DOCK3: variants seen among roughly 807,000 people sequenced by gnomAD.
The protein encoded by DOCK3 is dedicator of cytokinesis protein 3.
A neutral mutation model predicts 265.6 loss-of-function variants in DOCK3; 60 were observed. The ratio of observed to expected loss-of-function variants is 0.23; its 90% CI spans 0.18 to 0.28. The LOEUF (loss-of-function observed/expected upper bound fraction) is 0.28. Among genes scored for constraint, DOCK3 ranks in the 10% least tolerant of loss-of-function variants. DOCK3 has a pLI of 1.00. For missense variants in DOCK3, 1,981 were observed against 2,594.3 expected (o/e 0.76, Z 5.14); for synonymous variants, 881 against 938.0 (o/e 0.94, Z 1.11).
At chr3:50,844,763 CTTTA>C (rs1180366147) in intron 3 of DOCK3, among the ~76,000 whole-genome samples, 1 of 152,090 alleles carries the variant, frequency 6.6e-6, no homozygotes, top group Non-Finnish European at 1.5e-5. Flanking sequence ...CAGAATGATA[CTTTA>C]TTGTCTTTTC....
chr3:51,348,358 T>C (rs1189887788), intron 38 of DOCK3, among the ~76,000 whole-genome samples: 2 of 152,228 alleles, frequency 1.3e-5, no homozygotes, highest in Non-Finnish European at 2.9e-5. Flanking sequence ...CATACTTGTT[T>C]CTGAGCTTAA....
intron 32 of DOCK3, among the ~76,000 whole-genome samples, chr3:51,320,194 A>C (rs1576788243): frequency 6.6e-6 from 1 of 151,992 alleles, no homozygotes; most frequent in Non-Finnish European, 1.5e-5. Flanking sequence ...GTGGGGCATC[A>C]CCTCTCCCGG....
intron 33 of DOCK3, among the ~76,000 whole-genome samples, chr3:51,332,629 T>C (rs1205233722): frequency 1.3e-5 from 2 of 152,128 alleles, no homozygotes; most frequent in Non-Finnish European, 2.9e-5. Context: ...CACTTGAGGC[T>C]AGGAGTTCAA....
At chr3:50,713,996 T>A (rs1391162253) in intron 1 of DOCK3, among the ~76,000 whole-genome samples, 5 of 152,122 alleles carry the variant, frequency 3.3e-5, no homozygotes, top group South Asian at 2.1e-4. Flanking sequence ...ATTTATTTTT[T>A]AATTTCAGAT....
chr3:50,950,849 C>A (rs564341967), intron 5 of DOCK3, among the ~76,000 whole-genome samples: 3 of 152,226 alleles, frequency 2.0e-5, no homozygotes, highest in Non-Finnish European at 4.4e-5. Flanking sequence ...TTCTACTCAA[C>A]CCGATAGTAA....
intron 3 of DOCK3, chr3:50,877,499 GA>G (rs1559756889): frequency 1.9e-6 from 1 of 520,032 alleles, no homozygotes; most frequent in Non-Finnish European, 3.8e-6. Flanking sequence ...TGTCAGTCTC[GA>G]ATGGCAGTGT....
At chr3:50,980,539 G>A (rs533091550) in intron 5 of DOCK3, among the ~76,000 whole-genome samples, 1 of 152,220 alleles carries the variant, frequency 6.6e-6, no homozygotes, top group African/African-American at 2.4e-5. Context: ...ACTGGTGTTA[G>A]TTTTTCTTTA....
At chr3:51,278,016 T>A (rs2080907077) in intron 26 of DOCK3, 1 of 985,398 alleles carries the variant, frequency 1.0e-6, no homozygotes. Flanking sequence ...TTGAGCCAAG[T>A]CATTTTCTAT....
At chr3:50,889,936 C>T in intron 3 of DOCK3, 90 bp from the exon 4 acceptor site, 1 of 1,042,824 alleles carries the variant, frequency 9.6e-7, no homozygotes, top group Non-Finnish European at 1.3e-6. Context: ...TACTATGTTT[C>T]TGTGCTGAAA....
rs1048601627 is a variant in DOCK3, at chr3:51,383,939, T to C, written c.*2380T>C. 2.0e-5 allele frequency: 3 copies of C among 152,648 alleles called. No homozygotes were observed. Among genetic ancestry groups the C allele is most frequent in the Non-Finnish European group, 4.4e-5 (3 of 68,040 alleles). 9.5% of individuals were successfully genotyped at this position (152,648 alleles called of 1,614,324 possible). A position where few individuals can be genotyped will look rare whatever the true frequency, so the allele number is the denominator to read the frequency against. On this transcript the variant is annotated 3_prime_UTR_variant, in exon 53 of 53. Coordinates refer to ENST00000266037, the MANE Select transcript of DOCK3 (RefSeq NM_004947.5). ...TTTAAAACAAGGAAACTTCTAACCATTTCTTTTGTGTATTCATGTTTAAAG... is the reference window on the plus strand; with the variant it reads ...TTTAAAACAAGGAAACTTCTAACCACTTCTTTTGTGTATTCATGTTTAAAG...
At chr3:51,309,445 G>A (rs1216199297) in intron 27 of DOCK3, among the ~76,000 whole-genome samples, 17 of 152,208 alleles carry the variant, frequency 1.1e-4, no homozygotes, top group African/African-American at 9.6e-5. Context: ...CCAGTCAGGC[G>A]TGGCGGCGCG....
intron 2 of DOCK3, chr3:50,787,306 C>G (rs147703653): frequency 4.9e-5 from 21 of 427,746 alleles, no homozygotes; most frequent in African/African-American, 3.7e-4. Context: ...GAGGCTGAGG[C>G]GGGCTGATCA....
At chr3:51,168,501 C>T (rs1335602045) in intron 12 of DOCK3, among the ~76,000 whole-genome samples, 1 of 152,206 alleles carries the variant, frequency 6.6e-6, no homozygotes, top group Non-Finnish European at 1.5e-5. Context: ...AAAGGACTCC[C>T]TATTCAATAA....
intron 32 of DOCK3, among the ~76,000 whole-genome samples, chr3:51,326,588 T>TGTC (rs1048777392): frequency 6.4e-5 from 2 of 31,300 alleles, no homozygotes; most frequent in African/African-American, 2.1e-4. Context: ...CATGTTTTGT[T>TGTC]GTTGTTGTTG....
chr3:50,741,269 TTTTTA>T (rs200957663), intron 1 of DOCK3, among the ~76,000 whole-genome samples: 9 of 26,346 alleles, frequency 3.4e-4, no homozygotes, highest in Admixed American at 3.4e-4. Flanking sequence ...AGTCTCTGTT[TTTTTA>T]TTTTATTTTA....
intron 5 of DOCK3, among the ~76,000 whole-genome samples, chr3:51,018,446 T>TC (rs1419405053): frequency 6.7e-6 from 1 of 150,108 alleles, no homozygotes; most frequent in Non-Finnish European, 1.5e-5. Flanking sequence ...AAAAAGTTTT[T>TC]TTTTTTTAAG....
At chr3:50,858,454 A>AATAAT (rs1559732505) in intron 3 of DOCK3, among the ~76,000 whole-genome samples, 10 of 133,888 alleles carry the variant, frequency 7.5e-5, no homozygotes, top group East Asian at 2.7e-4. Context: ...ATAATAATAA[A>AATAAT]AATAAAATGT....
chr3:50,975,089 G>A lies in DOCK3; in HGVS notation c.315+41012G>A, dbSNP rs796205449. 7.5e-4 allele frequency among the ~76,000 whole-genome samples: 114 copies of A among 151,466 alleles called. 4 individuals carry two copies. In the South Asian group the frequency reaches 0.022, roughly 29 times the overall value. On this transcript the variant is annotated intron_variant, in intron 5 of 52. Transcript: ENST00000266037. ...TATACAATCATGTCATCTGCAAACA[G>A]GGACAATTTGACTTCCTCTTTTCCT...
At chr3:51,195,560 GCGTGCCAT>G (rs2088234237) in intron 12 of DOCK3, among the ~76,000 whole-genome samples, 2 of 151,894 alleles carry the variant, frequency 1.3e-5, no homozygotes, top group African/African-American at 4.8e-5. Flanking sequence ...GATTACAGAT[GCGTGCCAT>G]CACGCTCAGC....
Sources: allele counts gnomAD v4.1 joint callset (sites outside exome capture counted in the v4.1 genomes callset), GRCh38; gene constraint gnomAD v4.1.1; transcripts MANE v1.5; gene names NCBI Gene and HGNC (gene_info 2026-07-23, HGNC 2026-07-21).